Variants in KCTD14 observed in about 807,000 individuals in gnomAD.
KCTD14 encodes the protein BTB/POZ domain-containing protein KCTD14.
Under a neutral mutation model 5.9 loss-of-function variants are expected in KCTD14, and 7 were observed. That is an observed-to-expected ratio of 1.19 (90% confidence interval 0.68 to 2.23). KCTD14 has a LOEUF of 2.23. Ranked by LOEUF, KCTD14 falls within the 30% of genes most tolerant of loss-of-function variation. The pLI is 0.00. For synonymous variants in KCTD14, 140 were observed against 133.1 expected (o/e 1.05, Z -0.36); for missense variants, 342 against 332.2 (o/e 1.03, Z -0.23).
chr11:78,025,964 G>A (rs1451496468), upstream of KCTD14, among the ~76,000 whole-genome samples: 3 of 152,148 alleles, frequency 2.0e-5, no homozygotes, highest in Non-Finnish European at 4.4e-5. Context: ...AACAGTTATC[G>A]ATCATGACAA....
At chr11:78,038,307 G>C (rs763571172) in intron 2 of KCTD14, among the ~76,000 whole-genome samples, 1 of 152,214 alleles carries the variant, frequency 6.6e-6, no homozygotes, top group Non-Finnish European at 1.5e-5. Context: ...GTTCGAGTGA[G>C]AGGTTCTCGC....
exon 2 of KCTD14, chr11:78,038,665 T>A (rs1857892436): frequency 2.0e-6 from 3 of 1,535,632 alleles, no homozygotes; most frequent in Middle Eastern, 1.7e-4. Context: ...CCTGCATACC[T>A]AATGGGTGGT....
intron 2 of KCTD14, among the ~76,000 whole-genome samples, chr11:78,036,529 G>C (rs1857807716): frequency 6.6e-6 from 1 of 152,204 alleles, no homozygotes; most frequent in African/African-American, 2.4e-5. Flanking sequence ...GAGGAAACAG[G>C]ATTCAAAACC....
At chr11:78,031,890 A>G (rs1361065463) in intron 2 of KCTD14, among the ~76,000 whole-genome samples, 1 of 152,220 alleles carries the variant, frequency 6.6e-6, no homozygotes, top group Admixed American at 6.5e-5. Flanking sequence ...GGAAGAAACT[A>G]TAGATATGGA....
intron 2 of KCTD14, among the ~76,000 whole-genome samples, chr11:78,028,860 G>A (rs558335341): frequency 1.3e-5 from 2 of 152,156 alleles, no homozygotes; most frequent in Non-Finnish European, 2.9e-5. Context: ...AGGATCACTT[G>A]ATCCTAGGAG....
upstream of KCTD14, chr11:78,023,297 G>A (rs2136713842): frequency 6.3e-7 from 1 of 1,584,992 alleles, no homozygotes; most frequent in South Asian, 1.1e-5. Flanking sequence ...CCGCCCCTAG[G>A]TGGGAACACC....
chr11:78,038,586 T>A, intron 2 of KCTD14: 4 of 1,503,048 alleles, frequency 2.7e-6, no homozygotes, highest in Non-Finnish European at 3.6e-6. Context: ...CCCCAGCTGG[T>A]TACCCCAAGT....
In KCTD14 at chr11:78,017,157, C is replaced by T. The variant is rs1857191728; in HGVS notation, c.204G>A (p.Lys68=). The T allele has an allele frequency of 1.2e-6, 2 of 1,613,992 alleles. No homozygotes were observed. Among genetic ancestry groups the T allele is most frequent in the African/African-American group, 2.7e-5 (2 of 74,908 alleles). Residue 68 remains lysine, a synonymous_variant, in exon 2 of 2, where the codon AAG becomes AAA. Coordinates refer to ENST00000353172, the MANE Select transcript of KCTD14 (RefSeq NM_023930.4). The part of the protein sequence containing the change: ...KLAEMFSSLA[K]ASTDAEGRFF... Reference sequence around the variant, plus strand: ...AGCGGCCCTCCGCGTCCGTGGAGGCCTTGGCTAAGCTAGAGAACATCTCTG... The same window carrying T: ...AGCGGCCCTCCGCGTCCGTGGAGGCTTTGGCTAAGCTAGAGAACATCTCTG...
intron 2 of KCTD14, among the ~76,000 whole-genome samples, chr11:78,035,353 CG>C (rs1857757863): frequency 6.6e-6 from 1 of 152,080 alleles, no homozygotes; most frequent in Non-Finnish European, 1.5e-5. Flanking sequence ...TATTCCTTCC[CG>C]GGCCCTCTCC....
intron 2 of KCTD14, among the ~76,000 whole-genome samples, chr11:78,038,016 T>C (rs1470713): frequency 0.6 from 89,456 of 149,424 alleles, 27,423 homozygotes; most frequent in Non-Finnish European, 0.67. Flanking sequence ...AAATCAGTGC[T>C]ACCTGACTCT....
intron 2 of KCTD14, chr11:78,038,542 C>T: frequency 8.5e-7 from 1 of 1,173,700 alleles, no homozygotes; most frequent in Non-Finnish European, 1.2e-6. Context: ...CATCTGGCTC[C>T]CCGCTCACTG....
intron 2 of KCTD14, among the ~76,000 whole-genome samples, chr11:78,034,075 T>C (rs1472508745): frequency 6.6e-6 from 1 of 151,934 alleles, no homozygotes; most frequent in Non-Finnish European, 1.5e-5. Context: ...AGGGTCTTGC[T>C]CTGTCACCCA....
intron 1 of KCTD14, among the ~76,000 whole-genome samples, chr11:78,019,261 A>G (rs1272430427): frequency 2.0e-5 from 3 of 151,862 alleles, no homozygotes; most frequent in Non-Finnish European, 4.4e-5. Context: ...TGATCTGCCC[A>G]CCTCGGCCTC....
At chr11:78,032,945 G>A (rs917395910) in intron 2 of KCTD14, among the ~76,000 whole-genome samples, 1 of 151,998 alleles carries the variant, frequency 6.6e-6, no homozygotes, top group South Asian at 2.1e-4. Context: ...GGCTCCCAAA[G>A]TGCTCAGATT....
At chr11:78,044,772 AAGTAAAGT>A (rs1858088791) in intron 1 of KCTD14, among the ~76,000 whole-genome samples, 1 of 152,092 alleles carries the variant, frequency 6.6e-6, no homozygotes, top group Non-Finnish European at 1.5e-5. Context: ...GAACAAAAGG[AAGTAAAGT>A]ACACTTGGAA....
chr11:78,038,737 C>G (rs1009756016), exon 2 of KCTD14: 1 of 1,535,732 alleles, frequency 6.5e-7, no homozygotes, highest in Admixed American at 2.0e-5. Flanking sequence ...TGGGGACAAG[C>G]AACAGAGGCC....
At chr11:78,035,083 C>T (rs1332740826) in intron 2 of KCTD14, among the ~76,000 whole-genome samples, 2 of 152,060 alleles carry the variant, frequency 1.3e-5, no homozygotes, top group Non-Finnish European at 2.9e-5. Context: ...GTTAGGTGAC[C>T]GAGGGTTTTT....
At chr11:78,024,019 A>T (rs1857375596), upstream of KCTD14, among the ~76,000 whole-genome samples, 1 of 152,170 alleles carries the variant, frequency 6.6e-6, no homozygotes. Flanking sequence ...GGAACACCAG[A>T]TGGAAAGAGG....
chr11:78,035,859 A>C (rs374059425), intron 2 of KCTD14, among the ~76,000 whole-genome samples: 9 of 144,790 alleles, frequency 6.2e-5, no homozygotes, highest in Non-Finnish European at 1.1e-4. Flanking sequence ...AAAAAAAAAA[A>C]AAAAAACAGT....
Sources: gnomAD v4.1 joint callset for allele counts (sites outside exome capture counted in the v4.1 genomes callset) on GRCh38, gnomAD v4.1.1 for gene constraint, MANE v1.5 for transcripts, NCBI Gene and HGNC (gene_info 2026-07-23, HGNC 2026-07-21) for gene names.